The following RFFL variants were observed in gnomAD, a reference collection of about 807,000 sequenced individuals.
The protein encoded by RFFL is E3 ubiquitin-protein ligase rififylin.
A neutral mutation model predicts 40.4 loss-of-function variants in RFFL; 16 were observed. That is an observed-to-expected ratio of 0.40 (90% CI 0.27 to 0.60). The LOEUF (loss-of-function observed/expected upper bound fraction) is 0.60. Ranked by LOEUF, RFFL falls within the 20% of genes least tolerant of loss-of-function variation. The pLI, the probability that RFFL is intolerant of heterozygous loss-of-function variation, is 0.47. For synonymous variants in RFFL, 154 were observed against 167.9 expected (o/e 0.92, Z 0.64); for missense variants, 367 against 451.7 (o/e 0.81, Z 1.70).
chr17:35,010,745 C>CAAAAAAA lies in RFFL; in HGVS notation c.*1216_*1222dup, dbSNP rs59246535. 11 of 132,356 alleles carry CAAAAAAA rather than the reference C, an allele frequency of 8.3e-5. No homozygotes were observed. Among genetic ancestry groups the CAAAAAAA allele is most frequent in the African/African-American group, 2.9e-4 (10 of 35,054 alleles). The allele number at this position is 132,356 out of a possible 1,614,324, so 8.2% of individuals were successfully genotyped here. On this transcript the variant is annotated 3_prime_UTR_variant, in exon 7 of 7. Coordinates refer to ENST00000394597, the MANE Select transcript of RFFL (RefSeq NM_001017368.2). ...CCAGCCTGGGCAACAGAGTGAGACT[C>CAAAAAAA]AAAAAAAAAAAAAAAATGCTTTCTC... is the stretch of plus-strand genomic sequence containing the variant.
At chr17:35,021,885 G>A in intron 2 of RFFL, 104 bp from the exon 3 acceptor site, 1 of 1,122,702 alleles carries the variant, frequency 8.9e-7, no homozygotes, top group East Asian at 2.4e-5. Context: ...ATCTCCTCCA[G>A]TCACTCTTAC....
chr17:35,048,623 C>T (rs986077126), intron 1 of RFFL, among the ~76,000 whole-genome samples: 1 of 152,046 alleles, frequency 6.6e-6, no homozygotes, highest in Non-Finnish European at 1.5e-5. Flanking sequence ...CCCAATTCCA[C>T]CCCATTGCTA....
intron 5 of RFFL, 150 bp from the exon 6 acceptor site, chr17:35,014,913 C>G: frequency 1.4e-6 from 1 of 715,172 alleles, no homozygotes; most frequent in Non-Finnish European, 2.5e-6. Flanking sequence ...GCCCTCTACT[C>G]GCTCTACATG....
intron 1 of RFFL, among the ~76,000 whole-genome samples, chr17:35,028,985 C>G (rs186124851): frequency 7.0e-4 from 106 of 152,016 alleles, no homozygotes; most frequent in African/African-American, 2.2e-3. Context: ...TAACAGTGCC[C>G]AATTAGACAG....
At chr17:35,087,690 T>A (rs1240570367) in intron 1 of RFFL, among the ~76,000 whole-genome samples, 1 of 152,210 alleles carries the variant, frequency 6.6e-6, no homozygotes, top group Non-Finnish European at 1.5e-5. Context: ...GCCACATCAA[T>A]CTGCAATTGT....
upstream of RFFL, among the ~76,000 whole-genome samples, chr17:35,064,224 G>A (rs2091309390): frequency 6.6e-6 from 1 of 151,936 alleles, no homozygotes; most frequent in South Asian, 2.1e-4. Context: ...TTCCCACTAG[G>A]CCTCCTCTGA....
chr17:35,022,536 C>G lies in RFFL; in HGVS notation c.181-755G>C, dbSNP rs572083168. Among the ~76,000 whole-genome samples the G allele has an allele frequency of 2.6e-5, 4 of 152,346 alleles. No homozygotes were observed. The East Asian group carries it at 7.7e-4, about 29-fold the overall frequency. On this transcript the variant is annotated intron_variant, in intron 2 of 6. Transcript: ENST00000394597. ...AGCAACCGAGGCTTAGGGAGATCAA[C>G]TGTTGTATTCAAGGTCAGGCAATAA...
intron 1 of RFFL, among the ~76,000 whole-genome samples, chr17:35,088,590 G>C (rs1487096199): frequency 1.3e-5 from 2 of 152,194 alleles, no homozygotes; most frequent in African/African-American, 4.8e-5. Flanking sequence ...ACTCCCAAGC[G>C]AGGGAACAGT....
At chr17:35,035,414 A>G (rs1021985761) in intron 1 of RFFL, among the ~76,000 whole-genome samples, 38 of 151,814 alleles carry the variant, frequency 2.5e-4, no homozygotes, top group African/African-American at 8.5e-4. Context: ...ATCTCAAAAA[A>G]AAAAAAAAAA....
At chr17:35,053,962 A>G (rs1445031812) in intron 1 of RFFL, among the ~76,000 whole-genome samples, 1 of 152,206 alleles carries the variant, frequency 6.6e-6, no homozygotes, top group Non-Finnish European at 1.5e-5. Flanking sequence ...CTTCAAGACT[A>G]ATTATTTCCA....
chr17:35,072,426 C>T lies in RFFL; in HGVS notation c.-9+16679G>A, dbSNP rs1396560711. On this transcript the variant is annotated intron_variant, in intron 1 of 6. Transcript: ENST00000315249. ...CTGAAATGACAAAATTATAGAGACA[C>T]CGAACAGATTACTGGTTTCCAGAGA... is the stretch of plus-strand genomic sequence containing the variant. 3.9e-5 allele frequency among the ~76,000 whole-genome samples: 6 copies of T among 152,006 alleles called. No homozygotes were observed. The East Asian group carries it at 5.8e-4, about 15-fold the overall frequency.
intron 3 of RFFL, among the ~76,000 whole-genome samples, chr17:35,018,346 T>C (rs2090987642): frequency 6.6e-6 from 1 of 152,256 alleles, no homozygotes; most frequent in South Asian, 2.1e-4. Context: ...AATTTCATTA[T>C]GCTTAGAATT....
At chr17:35,044,962 C>CCCA (rs2091189928) in intron 1 of RFFL, among the ~76,000 whole-genome samples, 1 of 151,726 alleles carries the variant, frequency 6.6e-6, no homozygotes, top group African/African-American at 2.4e-5. Context: ...GCCTCGATCT[C>CCCA]CCAGGCTCAA....
chr17:35,054,007 T>C (rs2091245894), intron 1 of RFFL, among the ~76,000 whole-genome samples: 2 of 152,168 alleles, frequency 1.3e-5, no homozygotes, highest in African/African-American at 4.8e-5. Flanking sequence ...GACCCAAGAC[T>C]AGACTGACGA....
Position 35,050,547 on chromosome 17 carries a change from G to A in RFFL, c.-9+13029C>T, listed in dbSNP as rs761494114. ...CAGCTATTTTTATTTTTGTAGAAAC[G>A]GAGGTCTCACTATATTGCCTAGGTT... On this transcript the variant is annotated intron_variant, in intron 1 of 6. Coordinates refer to ENST00000394597, the MANE Select transcript of RFFL (RefSeq NM_001017368.2). 8.5e-5 allele frequency among the ~76,000 whole-genome samples: 13 copies of A among 152,096 alleles called. No individual in the cohort carries two copies. The East Asian group carries it at 1.5e-3, about 18-fold the overall frequency.
intron 1 of RFFL, among the ~76,000 whole-genome samples, chr17:35,046,935 G>A (rs768354331): frequency 1.3e-5 from 2 of 152,176 alleles, no homozygotes; most frequent in South Asian, 2.1e-4. Context: ...AGTCAATCAG[G>A]AAACAAAGCA....
At chr17:35,052,623 TAAAC>T (rs574189756) in intron 1 of RFFL, among the ~76,000 whole-genome samples, 65 of 152,172 alleles carry the variant, frequency 4.3e-4, no homozygotes, top group Non-Finnish European at 7.8e-4. Context: ...GAATCTATAA[TAAAC>T]AATGAGTAGA....
upstream of RFFL, among the ~76,000 whole-genome samples, chr17:35,064,941 C>T (rs770866500): frequency 2.0e-5 from 3 of 152,204 alleles, no homozygotes; most frequent in Non-Finnish European, 2.9e-5. Context: ...AGGATAGCCA[C>T]GCTGAGCTTT....
chr17:35,084,437 T>G (rs922198540), intron 1 of RFFL, among the ~76,000 whole-genome samples: 1 of 148,222 alleles, frequency 6.7e-6, no homozygotes, highest in Non-Finnish European at 1.5e-5. Flanking sequence ...CTACTAAAAA[T>G]ACAAAAATTA....
Sources: gnomAD v4.1 joint callset for allele counts (sites outside exome capture counted in the v4.1 genomes callset) on GRCh38, gnomAD v4.1.1 for gene constraint, MANE v1.5 for transcripts, NCBI Gene and HGNC (gene_info 2026-07-23, HGNC 2026-07-21) for gene names.